PRKCB: variants seen among roughly 807,000 people sequenced by gnomAD.
PRKCB encodes protein kinase C beta type.
In PRKCB, 13 loss-of-function variants were observed where a neutral mutation model predicts 81.5. That is an observed-to-expected ratio of 0.16 (90% CI 0.10 to 0.25). The LOEUF (loss-of-function observed/expected upper bound fraction) is 0.25, where lower values mean the gene tolerates loss of function less well. Ranked by LOEUF, PRKCB falls within the 10% of genes least tolerant of loss-of-function variation. The pLI is 1.00. For synonymous variants in PRKCB, 335 were observed against 321.4 expected (o/e 1.04, Z -0.45); for missense variants, 509 against 875.7 (o/e 0.58, Z 5.29).
At chr16:23,906,356 T>C (rs1168710313) in intron 2 of PRKCB, among the ~76,000 whole-genome samples, 1 of 152,220 alleles carries the variant, frequency 6.6e-6, no homozygotes, top group Non-Finnish European at 1.5e-5. Context: ...TTGCCTATTT[T>C]TTTCTACTTA....
At chr16:23,882,004 T>TTCTCTCTTTCTTTCTTTC (rs150470820) in intron 2 of PRKCB, among the ~76,000 whole-genome samples, 1 of 71,970 alleles carries the variant, frequency 1.4e-5, no homozygotes, top group Admixed American at 1.6e-4. Context: ...CTTTCTTTCT[T>TTCTCTCTTTCTTTCTTTC]TCTTTCTTTC....
chr16:24,110,436 C>T (rs1966661076), intron 7 of PRKCB, among the ~76,000 whole-genome samples: 1 of 151,344 alleles, frequency 6.6e-6, no homozygotes, highest in Admixed American at 6.6e-5. Flanking sequence ...TTGTCTCGAT[C>T]TCCTGACCTG....
At chr16:24,116,521 C>T (rs1276381156) in intron 8 of PRKCB, among the ~76,000 whole-genome samples, 2 of 152,228 alleles carry the variant, frequency 1.3e-5, no homozygotes, top group African/African-American at 4.8e-5. Flanking sequence ...CAGTGGGGTC[C>T]TCCCTTCCTG....
rs761932598 is a variant in PRKCB, at chr16:24,081,904, A to G, written c.530-10887A>G. Among the ~76,000 whole-genome samples the G allele has an allele frequency of 2.5e-4, 38 of 152,144 alleles. No individual in the cohort carries two copies. The Middle Eastern group carries it at 0.014, about 54-fold the overall frequency. On this transcript the variant is annotated intron_variant, in intron 5 of 16. Coordinates refer to ENST00000643927, the MANE Select transcript of PRKCB (RefSeq NM_002738.7). ...AATAATAAAATAAAAAATAAAAACC[A>G]TATGGAATGGAAAGGAAAAAAAGAA...
At chr16:24,115,651 CTATT>C (rs1341058997) in intron 8 of PRKCB, among the ~76,000 whole-genome samples, 1 of 150,786 alleles carries the variant, frequency 6.6e-6, no homozygotes, top group African/African-American at 2.4e-5. Context: ...TTTCCCAAGA[CTATT>C]TATCCCAAAG....
intron 5 of PRKCB, among the ~76,000 whole-genome samples, chr16:24,051,245 T>C (rs1324167277): frequency 2.0e-5 from 3 of 152,230 alleles, no homozygotes; most frequent in Non-Finnish European, 4.4e-5. Flanking sequence ...GAGCATTTGC[T>C]GCTGTTTCTG....
intron 7 of PRKCB, among the ~76,000 whole-genome samples, chr16:24,096,728 AG>A (rs1329138815): frequency 2.2e-4 from 31 of 142,078 alleles, no homozygotes; most frequent in Non-Finnish European, 4.4e-4. Context: ...ACCAACAGAG[AG>A]GCTGGGTAAG....
intron 13 of PRKCB, among the ~76,000 whole-genome samples, chr16:24,181,771 C>CAAAAAAAAAAAAAAAAAAAAAAAA (rs71154286): frequency 1.6e-4 from 4 of 24,566 alleles, no homozygotes; most frequent in African/African-American, 3.8e-4. Flanking sequence ...GACCCTGTCT[C>CAAAAAAAAAAAAAAAAAAAAAAAA]AAAAAAAAAA....
At chr16:23,913,229 C>G (rs759216067) in intron 2 of PRKCB, among the ~76,000 whole-genome samples, 1 of 151,882 alleles carries the variant, frequency 6.6e-6, no homozygotes, top group Non-Finnish European at 1.5e-5. Flanking sequence ...TGAATATGGA[C>G]AAGGAGAAGC....
chr16:24,148,339 G>T (rs1367493673), intron 9 of PRKCB, among the ~76,000 whole-genome samples: 1 of 151,988 alleles, frequency 6.6e-6, no homozygotes, highest in Non-Finnish European at 1.5e-5. Context: ...CTGTTTCAGG[G>T]GTCTCATTAT....
chr16:23,928,964 G>A (rs954995155), intron 2 of PRKCB, among the ~76,000 whole-genome samples: 12 of 151,916 alleles, frequency 7.9e-5, no homozygotes, highest in Non-Finnish European at 1.5e-4. Flanking sequence ...TGATCCGCCC[G>A]CCTCGGCATC....
intron 16 of PRKCB, among the ~76,000 whole-genome samples, chr16:24,199,760 TATAGATGAGGA>T (rs1967929336): frequency 6.6e-6 from 1 of 152,206 alleles, no homozygotes; most frequent in African/African-American, 2.4e-5. Flanking sequence ...ATCACCACAG[TATAGATGAGGA>T]ACTAGAGCTT....
intron 2 of PRKCB, among the ~76,000 whole-genome samples, chr16:23,969,383 T>C (rs1233563860): frequency 6.6e-6 from 1 of 152,170 alleles, no homozygotes; most frequent in Non-Finnish European, 1.5e-5. Context: ...GTATGCACTA[T>C]TTTGTGTCTG....
At chr16:23,909,463 A>G (rs565050244) in intron 2 of PRKCB, among the ~76,000 whole-genome samples, 5 of 152,320 alleles carry the variant, frequency 3.3e-5, no homozygotes, top group Non-Finnish European at 5.9e-5. Context: ...CAGCTCTCTC[A>G]TGTCCCTTTT....
rs569501980 is a variant in PRKCB, at chr16:23,850,094, T to A, written c.205+12688T>A. On this transcript the variant is annotated intron_variant, in intron 2 of 16. Coordinates refer to ENST00000643927, the MANE Select transcript of PRKCB (RefSeq NM_002738.7). ...TTTGTCTCTGTGTTTCTGGCTTATTTTACTTAGCATAATGTCCTCCAGATT... is the reference window on the plus strand; with the variant it reads ...TTTGTCTCTGTGTTTCTGGCTTATTATACTTAGCATAATGTCCTCCAGATT... Among the ~76,000 whole-genome samples, 4 of 152,214 alleles carry A rather than the reference T, an allele frequency of 2.6e-5. No individual in the cohort carries two copies. In the South Asian group the frequency reaches 8.3e-4, roughly 31 times the overall value.
intron 13 of PRKCB, among the ~76,000 whole-genome samples, chr16:24,183,857 A>G (rs1967663709): frequency 6.6e-6 from 1 of 152,216 alleles, no homozygotes; most frequent in African/African-American, 2.4e-5. Flanking sequence ...ATCCCTGCAT[A>G]CTGAAAGATG....
chr16:23,889,139 C>T (rs1175341322), intron 2 of PRKCB, among the ~76,000 whole-genome samples: 2 of 137,442 alleles, frequency 1.5e-5, no homozygotes, highest in Non-Finnish European at 2.9e-5. Context: ...TCCATCCATC[C>T]ATCCATCCAT....
chr16:24,137,419 C>A (rs937615492), intron 9 of PRKCB, among the ~76,000 whole-genome samples: 1 of 151,546 alleles, frequency 6.6e-6, no homozygotes, highest in African/African-American at 2.4e-5. Context: ...AAACTTCTGG[C>A]CACCAGCGAT....
At chr16:24,169,471 C>G (rs1199331912) in intron 10 of PRKCB, among the ~76,000 whole-genome samples, 1 of 152,150 alleles carries the variant, frequency 6.6e-6, no homozygotes, top group Non-Finnish European at 1.5e-5. Context: ...GGGCTCATCT[C>G]CTACCCTGTC....
Sources: gnomAD v4.1 joint callset for allele counts (sites outside exome capture counted in the v4.1 genomes callset) on GRCh38, gnomAD v4.1.1 for gene constraint, MANE v1.5 for transcripts, NCBI Gene and HGNC (gene_info 2026-07-23, HGNC 2026-07-21) for gene names.